The following B3GALT1 variants were observed in gnomAD, a reference collection of about 807,000 sequenced individuals.
The protein encoded by B3GALT1 is UDP-Gal:betaGlcNAc beta 1,3-galactosyltransferase, polypeptide 1.
In B3GALT1, 10 loss-of-function variants were observed where a neutral mutation model predicts 23.2. The ratio of observed to expected loss-of-function variants is 0.43; its 90% confidence interval spans 0.27 to 0.73. The LOEUF (loss-of-function observed/expected upper bound fraction) is 0.73, where lower values mean the gene tolerates loss of function less well. Ranked by LOEUF, B3GALT1 falls within the 30% of genes least tolerant of loss-of-function variation. The pLI is 0.21. For missense variants in B3GALT1, 299 were observed against 405.4 expected (o/e 0.74, Z 2.25); for synonymous variants, 156 against 141.5 (o/e 1.10, Z -0.73).
chr2:167,374,849 AG>A lies in B3GALT1; in HGVS notation c.-511+81517del, dbSNP rs140984781. Reference sequence around the variant, plus strand: ...TGTGTAGGAGCACTTTAGTTTAATTAGGTTCCTCTTGTAAATATTTTTTTTT... The same window carrying A: ...TGTGTAGGAGCACTTTAGTTTAATTAGTTCCTCTTGTAAATATTTTTTTTT... On this transcript the variant is annotated intron_variant, in intron 1 of 4. Coordinates refer to ENST00000392690, the MANE Select transcript of B3GALT1 (RefSeq NM_020981.4). Among the ~76,000 whole-genome samples the A allele has an allele frequency of 1.0e-2, 1,519 of 152,146 alleles. 7 individuals are homozygous for A. The highest frequency in any genetic ancestry group is 0.017 in the Non-Finnish European group (1,132 of 67,988).
In B3GALT1 at chr2:167,871,776, A is replaced by G. The variant is rs1170448769; in HGVS notation, c.*1756A>G. The G allele has an allele frequency of 6.6e-6, 1 of 152,206 alleles. No homozygotes were observed. Among genetic ancestry groups the G allele is most frequent in the Non-Finnish European group, 1.5e-5 (1 of 68,044 alleles). 9.4% of individuals were successfully genotyped at this position (152,206 alleles called of 1,614,324 possible). ...AGTTCACCTCTTTCAGAAGCAGCAG[A>G]ATAGGCAGTCAGCAAACCTGCACAT... On this transcript the variant is annotated 3_prime_UTR_variant, in exon 5 of 5. Transcript: ENST00000392690.
At chr2:167,314,309 G>A (rs771827592) in intron 1 of B3GALT1, among the ~76,000 whole-genome samples, 1 of 152,142 alleles carries the variant, frequency 6.6e-6, no homozygotes, top group Non-Finnish European at 1.5e-5. Context: ...AATTTAACGT[G>A]GCTTCCTATC....
chr2:167,526,596 T>G (rs1470548889), intron 2 of B3GALT1, among the ~76,000 whole-genome samples: 1 of 152,230 alleles, frequency 6.6e-6, no homozygotes, highest in African/African-American at 2.4e-5. Flanking sequence ...CATTGTGTCA[T>G]GCACAATTTG....
rs576061839 is a variant in B3GALT1, at chr2:167,636,823, T to G, written c.-409-10086T>G. 4.6e-5 allele frequency among the ~76,000 whole-genome samples: 7 copies of G among 151,900 alleles called. No individual in the cohort carries two copies. The East Asian group carries it at 1.4e-3, about 30-fold the overall frequency. The stretch of plus-strand genomic sequence containing the variant: ...ACACTGGGAGAGGAACATCACACAC[T>G]GGGGCCTGTCAGTGGGTGGGGGGCT... On this transcript the variant is annotated intron_variant, in intron 2 of 4. Transcript: ENST00000392690.
intron 2 of B3GALT1, among the ~76,000 whole-genome samples, chr2:167,637,214 T>G (rs575931518): frequency 6.6e-6 from 1 of 152,060 alleles, no homozygotes; most frequent in Non-Finnish European, 1.5e-5. Flanking sequence ...ACGTATGTGG[T>G]GCTTAAGTGA....
chr2:167,665,176 T>C lies in B3GALT1; in HGVS notation c.-352+18210T>C, dbSNP rs1486098262. Among the ~76,000 whole-genome samples the C allele has an allele frequency of 3.5e-3, 524 of 150,184 alleles. 3 individuals are homozygous for C. The highest frequency in any genetic ancestry group is 0.013 in the African/African-American group (504 of 40,314). ...TATTGAGAGTTTTTAGCATGAAGCG[T>C]TGTTGAATTTTGTCAAAGGCCTTTT... On this transcript the variant is annotated intron_variant, in intron 3 of 4. Transcript: ENST00000392690.
At chr2:167,577,330 A>G (rs1050247384) in intron 2 of B3GALT1, among the ~76,000 whole-genome samples, 6 of 151,916 alleles carry the variant, frequency 3.9e-5, no homozygotes, top group Non-Finnish European at 8.8e-5. Flanking sequence ...CTGGAATTCT[A>G]ATACTGATGC....
intron 1 of B3GALT1, among the ~76,000 whole-genome samples, chr2:167,306,059 C>T (rs1319064469): frequency 6.6e-6 from 1 of 151,946 alleles, no homozygotes; most frequent in Non-Finnish European, 1.5e-5. Context: ...AAAATTCTTA[C>T]TGTCTAATGC....
chr2:167,342,326 G>A (rs975881516), intron 1 of B3GALT1, among the ~76,000 whole-genome samples: 2 of 152,130 alleles, frequency 1.3e-5, no homozygotes, highest in African/African-American at 2.4e-5. Context: ...AGTGGCTCAC[G>A]CCTGTAATCC....
intron 1 of B3GALT1, among the ~76,000 whole-genome samples, chr2:167,300,923 C>T (rs2105479461): frequency 6.6e-6 from 1 of 152,284 alleles, no homozygotes; most frequent in East Asian, 1.9e-4. Context: ...GAAGTACATT[C>T]AACATCAGTG....
intron 3 of B3GALT1, among the ~76,000 whole-genome samples, chr2:167,690,250 T>C (rs1388144723): frequency 6.6e-6 from 1 of 151,990 alleles, no homozygotes; most frequent in Non-Finnish European, 1.5e-5. Flanking sequence ...TATGAACATT[T>C]ATAAACATTA....
intron 1 of B3GALT1, among the ~76,000 whole-genome samples, chr2:167,433,488 A>G (rs534652933): frequency 6.6e-5 from 10 of 152,222 alleles, no homozygotes; most frequent in Non-Finnish European, 1.5e-4. Flanking sequence ...AAAATGTAGA[A>G]TACATAGGAT....
chr2:167,351,719 G>A (rs1697311215), intron 1 of B3GALT1, among the ~76,000 whole-genome samples: 1 of 152,118 alleles, frequency 6.6e-6, no homozygotes, highest in African/African-American at 2.4e-5. Context: ...GAAACATTTG[G>A]AAAATATGAA....
At chr2:167,578,779 A>G (rs755837651) in intron 2 of B3GALT1, among the ~76,000 whole-genome samples, 18 of 152,096 alleles carry the variant, frequency 1.2e-4, no homozygotes, top group Non-Finnish European at 2.4e-4. Flanking sequence ...TCATTTAAAC[A>G]TGTTCCAGGG....
intron 1 of B3GALT1, among the ~76,000 whole-genome samples, chr2:167,487,484 A>G (rs1699644810): frequency 6.6e-6 from 1 of 152,226 alleles, no homozygotes; most frequent in South Asian, 2.1e-4. Context: ...AGCCTTCCTT[A>G]GAAGGCTTAA....
intron 1 of B3GALT1, among the ~76,000 whole-genome samples, chr2:167,462,452 C>T (rs981931320): frequency 6.6e-6 from 1 of 152,134 alleles, no homozygotes; most frequent in African/African-American, 2.4e-5. Context: ...GACCTTTATC[C>T]TTTCCCTGGA....
intron 3 of B3GALT1, among the ~76,000 whole-genome samples, chr2:167,708,868 A>G (rs1687008229): frequency 6.6e-6 from 1 of 152,196 alleles, no homozygotes; most frequent in South Asian, 2.1e-4. Context: ...AGAATAATAT[A>G]AATAATGCCA....
At chr2:167,590,661 A>G (rs1404453065) in intron 2 of B3GALT1, among the ~76,000 whole-genome samples, 1 of 152,230 alleles carries the variant, frequency 6.6e-6, no homozygotes, top group African/African-American at 2.4e-5. Flanking sequence ...TTAGTGGCCA[A>G]AACTGAATGC....
At chr2:167,795,828 C>G (rs1264147438) in intron 3 of B3GALT1, among the ~76,000 whole-genome samples, 1 of 152,174 alleles carries the variant, frequency 6.6e-6, no homozygotes, top group Admixed American at 6.5e-5. Context: ...TTTGAATGGT[C>G]AGCAATGCAG....
Sources: gnomAD v4.1 joint callset for allele counts (sites outside exome capture counted in the v4.1 genomes callset) on GRCh38, gnomAD v4.1.1 for gene constraint, MANE v1.5 for transcripts, NCBI Gene and HGNC (gene_info 2026-07-23, HGNC 2026-07-21) for gene names.